Variants in ACER3 observed in about 807,000 individuals in gnomAD.
The protein encoded by ACER3 is alkCDase 3.
ACER3 carries 16 observed loss-of-function variants against 48.9 expected under a neutral mutation model. The observed-to-expected ratio is 0.33, with a 90% CI of 0.22 to 0.50. The LOEUF is 0.50. ACER3 is among the 20% of genes least tolerant of loss of function. The probability of loss-of-function intolerance (pLI) is 0.98; values close to 1 mark genes in which losing one functional copy is unlikely to be tolerated. For synonymous variants in ACER3, 109 were observed against 107.8 expected, an observed-to-expected ratio of 1.01 and a Z score of -0.07; for missense variants, 227 against 326.0, an observed-to-expected ratio of 0.70 and a Z score of 2.34.
intron 6 of ACER3, among the ~76,000 whole-genome samples, chr11:76,993,514 T>C (rs1948845382): frequency 6.6e-6 from 1 of 152,216 alleles, no homozygotes; most frequent in African/African-American, 2.4e-5. Context: ...AGTGGTAATA[T>C]AGACAAGGGT....
intron 1 of ACER3, among the ~76,000 whole-genome samples, chr11:76,901,747 A>G (rs1171238677): frequency 1.3e-5 from 2 of 152,178 alleles, no homozygotes; most frequent in Non-Finnish European, 2.9e-5. Context: ...TTAGATTGGA[A>G]CAAAACAGGA....
At chr11:76,998,626 A>G (rs1948963746) in intron 6 of ACER3, 137 bp from the exon 7 acceptor site, 2 of 605,598 alleles carry the variant, frequency 3.3e-6, no homozygotes, top group East Asian at 3.5e-5. Context: ...CACATTTTTT[A>G]ACATTCTATT....
chr11:76,901,305 A>G (rs1051574879), intron 1 of ACER3, among the ~76,000 whole-genome samples: 2 of 151,944 alleles, frequency 1.3e-5, no homozygotes, highest in Middle Eastern at 3.4e-3. Flanking sequence ...GCAGTTCCTT[A>G]CTAACAAGAT....
In ACER3 at chr11:76,930,135, A is replaced by G. The variant is rs369499456; in HGVS notation, c.214+3468A>G. Among the ~76,000 whole-genome samples the G allele has an allele frequency of 2.4e-4, 37 of 152,216 alleles. No individual in the cohort carries two copies. The East Asian group carries it at 3.7e-3, about 15-fold the overall frequency. ...TGGTTGGTAGGCTATTATTGCGTCA[A>G]TTTCAGAGCCTGTCATTGGTGTATT... On this transcript the variant is annotated intron_variant, in intron 2 of 10. Coordinates refer to ENST00000532485, the MANE Select transcript of ACER3 (RefSeq NM_018367.7).
intron 1 of ACER3, among the ~76,000 whole-genome samples, chr11:76,915,620 C>T (rs558746879): frequency 6.6e-6 from 1 of 152,314 alleles, no homozygotes; most frequent in African/African-American, 2.4e-5. Context: ...TGCCTAACTA[C>T]CTGTAACAGT....
rs904736378 is a variant in ACER3 at position 76,959,233 on chromosome 11, A to G, written c.267+202A>G. ...CATAAGGAAAACAAGTACAAATAGT[A>G]TAGGGCTTTTTGACCATCTCTGTGC... On this transcript the variant is annotated intron_variant, in intron 3 of 10. Coordinates refer to ENST00000532485, the MANE Select transcript of ACER3 (RefSeq NM_018367.7). The G allele has an allele frequency of 2.9e-5, 42 of 1,436,288 alleles. 1 individual carries two copies. The highest frequency in any genetic ancestry group is 5.7e-5 in the African/African-American group (4 of 69,806). The allele number at this position is 1,436,288 out of a possible 1,614,324, so 89.0% of individuals were successfully genotyped here.
At chr11:76,901,410 G>T (rs1462165363) in intron 1 of ACER3, among the ~76,000 whole-genome samples, 2 of 152,158 alleles carry the variant, frequency 1.3e-5, no homozygotes, top group African/African-American at 4.8e-5. Context: ...GAGACTGGAA[G>T]CTGGTTTTGT....
At chr11:76,914,475 C>T (rs1016004173) in intron 1 of ACER3, among the ~76,000 whole-genome samples, 14 of 152,134 alleles carry the variant, frequency 9.2e-5, no homozygotes, top group Non-Finnish European at 1.3e-4. Context: ...CAGAGAAATG[C>T]AAATCAAAAC....
intron 1 of ACER3, chr11:76,868,391 CTGTGTGTGTGTGTG>C (rs1166994217): frequency 1.3e-4 from 23 of 175,080 alleles, no homozygotes; most frequent in South Asian, 6.7e-4. Context: ...CTCTCTCTCT[CTGTGTGTGTGTGTG>C]TGTGTGTGTG....
At position 77,019,780 on chromosome 11, in the gene ACER3, AG is replaced by A; in HGVS notation, c.750+5del. On this transcript the variant is annotated splice_donor_5th_base_variant and intron_variant, in intron 10 of 10. Transcript: ENST00000532485. Reference sequence around the variant, plus strand: ...GAGATATAGGCCAAAAGTGAAGGTAAGTCCACTTCCTAGGTCCTGTGTGTGT... The same window carrying A: ...GAGATATAGGCCAAAAGTGAAGGTAATCCACTTCCTAGGTCCTGTGTGTGT... The A allele has an allele frequency of 1.2e-6, 2 of 1,613,490 alleles. No homozygotes were observed. The highest frequency in any genetic ancestry group is 1.7e-6 in the Non-Finnish European group (2 of 1,179,442).
chr11:76,983,376 G>A (rs1468973067), intron 4 of ACER3, among the ~76,000 whole-genome samples: 1 of 152,034 alleles, frequency 6.6e-6, no homozygotes, highest in East Asian at 1.9e-4. Flanking sequence ...GAGGGCATTG[G>A]CACGATCTTG....
At chr11:76,899,811 G>A (rs1320700550) in intron 1 of ACER3, among the ~76,000 whole-genome samples, 4 of 152,028 alleles carry the variant, frequency 2.6e-5, no homozygotes, top group Admixed American at 6.6e-5. Context: ...GCACATATAC[G>A]GTTGACCCTT....
Position 76,861,063 on chromosome 11 carries a change from G to C in ACER3, c.87G>C (p.Trp29Cys). 6.5e-7 allele frequency: 1 copy of C among 1,547,008 alleles called. No individual in the cohort carries two copies. Among genetic ancestry groups the C allele is most frequent in the African/African-American group, 1.4e-5 (1 of 72,954 alleles). The change falls in exon 1 of 11, where the codon TGG (tryptophan) becomes TGC (cysteine). Residue 29 changes from tryptophan (W) to cysteine (C), a missense_variant. Coordinates refer to ENST00000532485, the MANE Select transcript of ACER3 (RefSeq NM_018367.7). The part of the protein sequence containing the change: ...DWCEENYSVT[W>C]YIAEFWNTVS... ...GCGAGGAGAACTACTCCGTGACCTGGTACATCGCCGAGTTCTGTGAGTGTG... is the reference window on the plus strand; with the variant it reads ...GCGAGGAGAACTACTCCGTGACCTGCTACATCGCCGAGTTCTGTGAGTGTG...
At chr11:76,870,232 A>G (rs1945208150) in intron 1 of ACER3, among the ~76,000 whole-genome samples, 2 of 150,952 alleles carry the variant, frequency 1.3e-5, no homozygotes, top group South Asian at 2.1e-4. Context: ...CCTGGGCTCA[A>G]GTGATCCTCC....
At chr11:76,964,909 T>G (rs762981491) in intron 3 of ACER3, among the ~76,000 whole-genome samples, 1 of 151,352 alleles carries the variant, frequency 6.6e-6, no homozygotes, top group South Asian at 2.1e-4. Context: ...GCGCCTGTCC[T>G]CCTCCAAAGG....
chr11:77,011,953 T>C (rs1362834343), intron 7 of ACER3, among the ~76,000 whole-genome samples: 1 of 152,132 alleles, frequency 6.6e-6, no homozygotes, highest in Non-Finnish European at 1.5e-5. Flanking sequence ...TTCTATAGCA[T>C]ATAAAACACC....
intron 1 of ACER3, among the ~76,000 whole-genome samples, chr11:76,913,078 C>T (rs1448666954): frequency 6.6e-6 from 1 of 152,122 alleles, no homozygotes; most frequent in South Asian, 2.1e-4. Context: ...TTGAAGAGGT[C>T]CTTCACCTCC....
intron 1 of ACER3, among the ~76,000 whole-genome samples, chr11:76,876,166 C>G (rs1174465818): frequency 6.6e-6 from 1 of 152,122 alleles, no homozygotes; most frequent in African/African-American, 2.4e-5. Context: ...CAACCTCTAT[C>G]AAGATGTGGA....
At chr11:76,901,013 A>G (rs1247257542) in intron 1 of ACER3, among the ~76,000 whole-genome samples, 1 of 152,128 alleles carries the variant, frequency 6.6e-6, no homozygotes, top group Non-Finnish European at 1.5e-5. Context: ...GATGGCATTC[A>G]TGACTTTTTT....
Sources: gnomAD v4.1 joint callset for allele counts (sites outside exome capture counted in the v4.1 genomes callset) on GRCh38, gnomAD v4.1.1 for gene constraint, MANE v1.5 for transcripts, NCBI Gene and HGNC (gene_info 2026-07-23, HGNC 2026-07-21) for gene names.